The following HERC2 variants were observed in gnomAD, a reference collection of about 807,000 sequenced individuals.
HERC2 encodes the protein HECT and RLD domain containing E3 ubiquitin protein ligase 2.
Under a neutral mutation model 537.7 loss-of-function variants are expected in HERC2, and 102 were observed. The ratio of observed to expected loss-of-function variants is 0.19; its 90% CI spans 0.16 to 0.22. HERC2 has a LOEUF of 0.22. Among genes scored for constraint, HERC2 ranks in the 10% least tolerant of loss-of-function variants. The pLI is 1.00. For missense variants in HERC2, 4,236 were observed against 6,198.2 expected (o/e 0.68, Z 10.63); for synonymous variants, 2,224 against 2,466.2 (o/e 0.90, Z 2.91).
chr15:28,299,953 T>C (rs189588973), intron 2 of HERC2, among the ~76,000 whole-genome samples: 2 of 150,184 alleles, frequency 1.3e-5, no homozygotes, highest in Non-Finnish European at 3.0e-5. Context: ...CTCACGAAGC[T>C]GAGGCAGGAG....
At chr15:28,320,529 A>C (rs2077202849) in intron 2 of HERC2, 3 of 152,104 alleles carry the variant, frequency 2.0e-5, no homozygotes, top group African/African-American at 4.8e-5. Context: ...ATCCATGATC[A>C]ACTACTGCTT....
At position 28,228,225 on chromosome 15, in the gene HERC2, G is replaced by C; in HGVS notation, c.5457C>G (p.Arg1819=). ...GMLALTQTAL[R]LIGPSCDNVE... ...AAGCGGGTGCAGACCTACCAATCAG[G>C]CGCAGTGCCGTCTGCGTGAGGGCCA... Residue 1819 remains arginine, a synonymous_variant, in exon 35 of 93, where the codon CGC becomes CGG. Coordinates refer to ENST00000261609, the MANE Select transcript of HERC2 (RefSeq NM_004667.6). 2 of 1,613,354 alleles carry C rather than the reference G, an allele frequency of 1.2e-6. No homozygotes were observed. The highest frequency in any genetic ancestry group is 1.1e-5 in the South Asian group (1 of 91,078).
intron 4 of HERC2, among the ~76,000 whole-genome samples, chr15:28,286,918 T>C (rs937607871): frequency 6.6e-5 from 10 of 152,114 alleles, no homozygotes; most frequent in African/African-American, 1.9e-4. Context: ...AGAGGTCTCC[T>C]TGGAAACATT....
At chr15:28,295,935 G>C (rs1194692668) in intron 3 of HERC2, among the ~76,000 whole-genome samples, 3 of 151,658 alleles carry the variant, frequency 2.0e-5, no homozygotes, top group Non-Finnish European at 4.4e-5. Context: ...TTTACTATCT[G>C]GCCCTTTACA....
At position 28,262,871 on chromosome 15, in the gene HERC2, TAAA is replaced by T. The variant is rs746234187; in HGVS notation, c.2122+44_2122+46del. 5.7e-6 allele frequency: 9 copies of T among 1,567,934 alleles called. No individual in the cohort carries two copies. The African/African-American group carries it at 1.2e-4, about 21-fold the overall frequency. ...AAACCTGCTAACTTTAAAACATTAC[TAAA>T]GAAACTGTCCTGAAGGGTTTTAAAA... On this transcript the variant is annotated intron_variant, in intron 15 of 92. Coordinates refer to ENST00000261609, the MANE Select transcript of HERC2 (RefSeq NM_004667.6).
intron 70 of HERC2, among the ~76,000 whole-genome samples, chr15:28,149,040 TC>T (rs1892092612): frequency 6.7e-6 from 1 of 149,240 alleles, no homozygotes; most frequent in Non-Finnish European, 1.5e-5. Context: ...AAACGTACAT[TC>T]TAGTAAAATT....
chr15:28,179,002 ACAGGCATACACCT>A lies in HERC2; in HGVS notation c.9035_9047del (p.Lys3012MetfsTer47). On this transcript the variant is annotated frameshift_variant, in exon 59 of 93. Coordinates refer to ENST00000261609, the MANE Select transcript of HERC2 (RefSeq NM_004667.6). LOFTEE classifies it high-confidence loss of function. Reference sequence around the variant, plus strand: ...CCAGCCGGCCATTCGTGGCTTCTCCACAGGCATACACCTTCCCTTCCACAGTCACTGCAAGGAA... The same window carrying A: ...CCAGCCGGCCATTCGTGGCTTCTCCATCCCTTCCACAGTCACTGCAAGGAA... 1 of 1,614,120 alleles carries A rather than the reference ACAGGCATACACCT, an allele frequency of 6.2e-7. No individual in the cohort carries two copies. The highest frequency in any genetic ancestry group is 8.5e-7 in the Non-Finnish European group (1 of 1,179,952).
intron 4 of HERC2, among the ~76,000 whole-genome samples, chr15:28,282,259 G>A (rs536351916): frequency 2.0e-5 from 3 of 152,258 alleles, no homozygotes; most frequent in African/African-American, 7.2e-5. Context: ...AAGACCTAGA[G>A]TCGCCTAACA....
chr15:28,143,067 T>G, intron 74 of HERC2, 115 bp from the exon 75 acceptor site: 1 of 701,808 alleles, frequency 1.4e-6, no homozygotes. Context: ...CTAAAAAAAC[T>G]AAAAAAAAAA....
chr15:28,227,269 C>T (rs369655304), intron 35 of HERC2, among the ~76,000 whole-genome samples: 12 of 137,352 alleles, frequency 8.7e-5, no homozygotes, highest in East Asian at 2.3e-4. Flanking sequence ...AGTGAGACTC[C>T]GTCTCAAAAA....
At chr15:28,278,525 C>T (rs762811321) in intron 5 of HERC2, among the ~76,000 whole-genome samples, 6 of 151,688 alleles carry the variant, frequency 4.0e-5, no homozygotes, top group African/African-American at 7.3e-5. Flanking sequence ...CCAATATTTT[C>T]GATCCATAGT....
chr15:28,130,708 A>T, intron 81 of HERC2, 114 bp from the exon 82 acceptor site: 2 of 811,892 alleles, frequency 2.5e-6, no homozygotes, highest in South Asian at 2.8e-5. Context: ...TGTACCCATG[A>T]TGAATAATTA....
intron 69 of HERC2, 131 bp downstream of exon 69, chr15:28,162,950 AAAGGAGTGCTCCT>A: frequency 1.4e-6 from 1 of 696,204 alleles, no homozygotes; most frequent in Non-Finnish European, 2.4e-6. Flanking sequence ...GTTTTGCTCT[AAAGGAGTGCTCCT>A]AACCTGCAGT....
chr15:28,171,376 G>C (rs1451033841), intron 65 of HERC2, among the ~76,000 whole-genome samples: 1 of 152,210 alleles, frequency 6.6e-6, no homozygotes, highest in African/African-American at 2.4e-5. Context: ...CATGAAAAGA[G>C]CTATACGTTA....
At chr15:28,253,755 A>T (rs1363234439) in intron 20 of HERC2, among the ~76,000 whole-genome samples, 1 of 152,108 alleles carries the variant, frequency 6.6e-6, no homozygotes, top group African/African-American at 2.4e-5. Context: ...TGAGGTCAGG[A>T]GTTTGAGACC....
chr15:28,199,607 T>C (rs1158489023), intron 48 of HERC2, among the ~76,000 whole-genome samples: 3 of 152,154 alleles, frequency 2.0e-5, no homozygotes, highest in Non-Finnish European at 2.9e-5. Flanking sequence ...CCCCTAATGA[T>C]AGGTCTAGAT....
rs368740750 is a variant in HERC2 at position 28,202,339 on chromosome 15, C to T, written c.7480+8G>A. 45 of 1,613,512 alleles carry T rather than the reference C, an allele frequency of 2.8e-5. No individual in the cohort carries two copies. The highest frequency in any genetic ancestry group is 1.1e-4 in the South Asian group (10 of 91,054). On this transcript the variant is annotated splice_region_variant and intron_variant, in intron 46 of 92. Coordinates refer to ENST00000261609, the MANE Select transcript of HERC2 (RefSeq NM_004667.6). ...CATACACAAGCAGAGGCCAGGAAAA[C>T]GAAGTACCAGGCAAGCTGGATGCAT...
chr15:28,283,648 T>C (rs2076081677), intron 4 of HERC2, among the ~76,000 whole-genome samples: 1 of 152,282 alleles, frequency 6.6e-6, no homozygotes, highest in South Asian at 2.1e-4. Flanking sequence ...TACAATAGAC[T>C]TTTCCCTCAC....
At chr15:28,214,825 G>A (rs368100662) in intron 39 of HERC2, 23 bp from the exon 40 acceptor site, 12 of 1,586,706 alleles carry the variant, frequency 7.6e-6, no homozygotes, top group African/African-American at 4.1e-5. Flanking sequence ...AATTTATAAC[G>A]ACAAGCATTA....
Sources: gnomAD v4.1 joint callset for allele counts (sites outside exome capture counted in the v4.1 genomes callset) on GRCh38, gnomAD v4.1.1 for gene constraint, MANE v1.5 for transcripts, NCBI Gene and HGNC (gene_info 2026-07-23, HGNC 2026-07-21) for gene names.